BAZ2B: variants seen among roughly 807,000 people sequenced by gnomAD.
BAZ2B encodes bromodomain adjacent to zinc finger domain protein 2B.
In BAZ2B, 91 loss-of-function variants were observed where a neutral mutation model predicts 246.0. That is an observed-to-expected ratio of 0.37 (90% CI 0.31 to 0.44). The LOEUF (loss-of-function observed/expected upper bound fraction) is 0.44, where lower values mean the gene tolerates loss of function less well. BAZ2B is among the 20% of genes least tolerant of loss of function. BAZ2B has a pLI of 1.00. For synonymous variants in BAZ2B, 855 were observed against 860.0 expected (o/e 0.99, Z 0.10); for missense variants, 2,332 against 2,533.7 (o/e 0.92, Z 1.71).
chr2:159,710,847 G>A, the BAZ2B span: 6 of 152,108 alleles, frequency 3.9e-5, no homozygotes, highest in South Asian at 4.1e-4. Context: ...TCAGGAAAAG[G>A]GTGCAGTCAT....
In BAZ2B at chr2:159,538,984, G is replaced by A. The variant is rs183104947; in HGVS notation, c.-3+16839C>T. Reference sequence around the variant, plus strand: ...CCTATAAAGTTGGAAAACATAAACTGTTTTTACATATTTTTTGCAGCATCA... The same window carrying A: ...CCTATAAAGTTGGAAAACATAAACTATTTTTACATATTTTTTGCAGCATCA... On this transcript the variant is annotated intron_variant, in intron 2 of 36. Coordinates refer to ENST00000392783, the MANE Select transcript of BAZ2B (RefSeq NM_013450.4). Among the ~76,000 whole-genome samples the A allele has an allele frequency of 5.0e-3, 765 of 152,240 alleles. 11 individuals carry two copies. Among genetic ancestry groups the A allele is most frequent in the Non-Finnish European group, 3.3e-3 (226 of 68,020 alleles).
At chr2:159,576,531 T>TAA (rs71406179) in intron 1 of BAZ2B, among the ~76,000 whole-genome samples, 1 of 142,962 alleles carries the variant, frequency 7.0e-6, no homozygotes, top group African/African-American at 2.6e-5. Context: ...ATCAAAGGTT[T>TAA]AAAAAAAAAA....
chr2:159,545,564 A>C (rs1296441285), intron 2 of BAZ2B, among the ~76,000 whole-genome samples: 1 of 151,896 alleles, frequency 6.6e-6, no homozygotes, highest in East Asian at 1.9e-4. Flanking sequence ...TAAAAGGCAA[A>C]AAATGTCACT....
At chr2:159,510,962 A>T (rs2082858926) in intron 2 of BAZ2B, among the ~76,000 whole-genome samples, 1 of 152,162 alleles carries the variant, frequency 6.6e-6, no homozygotes, top group African/African-American at 2.4e-5. Context: ...TTTGCTTATA[A>T]AACTAGACTG....
At chr2:159,495,086 A>C (rs1257769207) in intron 2 of BAZ2B, among the ~76,000 whole-genome samples, 2 of 152,202 alleles carry the variant, frequency 1.3e-5, no homozygotes, top group African/African-American at 4.8e-5. Context: ...AAAATAAGTA[A>C]GATATGCAGT....
At chr2:159,359,806 G>A (rs2059493348) in intron 27 of BAZ2B, among the ~76,000 whole-genome samples, 1 of 151,962 alleles carries the variant, frequency 6.6e-6, no homozygotes, top group South Asian at 2.1e-4. Context: ...TCAACACATG[G>A]AAATCAATAA....
At chr2:159,585,929 A>G (rs983328100) in intron 1 of BAZ2B, among the ~76,000 whole-genome samples, 5 of 152,356 alleles carry the variant, frequency 3.3e-5, no homozygotes, top group Admixed American at 2.6e-4. Flanking sequence ...GCTTAAATAA[A>G]TGACTTTTTT....
chr2:159,677,107 A>G, the BAZ2B span, among the ~76,000 whole-genome samples: 3 of 150,754 alleles, frequency 2.0e-5, no homozygotes, highest in Non-Finnish European at 4.4e-5. Flanking sequence ...TGATGGATAA[A>G]GATTAAAGCT....
chr2:159,333,750 A>G (rs1177136330), intron 33 of BAZ2B, among the ~76,000 whole-genome samples: 1 of 152,196 alleles, frequency 6.6e-6, no homozygotes, highest in Admixed American at 6.5e-5. Flanking sequence ...TTAGTCTGGG[A>G]AAGTCTAAAA....
In BAZ2B at chr2:159,379,732, C is replaced by T. The variant is rs146332289; in HGVS notation, c.4005+2827G>A. ...TTCCATCGATAAATTCATCTCTCAG[C>T]TTTCTTTCACATTCCATTGATAAAT... is the stretch of plus-strand genomic sequence containing the variant. On this transcript the variant is annotated intron_variant, in intron 25 of 36. Transcript: ENST00000392783. Among the ~76,000 whole-genome samples, 1,101 of 152,244 alleles carry T rather than the reference C, an allele frequency of 7.2e-3. 7 individuals are homozygous for T. The highest frequency in any genetic ancestry group is 0.025 in the South Asian group (120 of 4,818).
At chr2:159,341,948 C>T (rs957475351) in intron 31 of BAZ2B, among the ~76,000 whole-genome samples, 1 of 152,028 alleles carries the variant, frequency 6.6e-6, no homozygotes, top group African/African-American at 2.4e-5. Flanking sequence ...TCTAGCAATG[C>T]CCTTCAAGTA....
At chr2:159,597,296 G>C (rs1256602621) in intron 1 of BAZ2B, among the ~76,000 whole-genome samples, 2 of 152,094 alleles carry the variant, frequency 1.3e-5, no homozygotes, top group African/African-American at 4.8e-5. Context: ...TTAAAGTTTA[G>C]AAAATTTCAC....
intron 2 of BAZ2B, among the ~76,000 whole-genome samples, chr2:159,537,608 C>G (rs10189560): frequency 0.81 from 123,842 of 152,224 alleles, 50,632 homozygotes; most frequent in Admixed American, 0.86. Context: ...GAGATACACA[C>G]AACTGCTAAT....
At chr2:159,560,048 C>T (rs528583199) in intron 1 of BAZ2B, among the ~76,000 whole-genome samples, 44 of 152,236 alleles carry the variant, frequency 2.9e-4, no homozygotes, top group South Asian at 8.3e-4. Context: ...GCAATCAGCA[C>T]GTACTATCTT....
At chr2:159,507,676 A>C (rs1224674532) in intron 2 of BAZ2B, among the ~76,000 whole-genome samples, 1 of 152,196 alleles carries the variant, frequency 6.6e-6, no homozygotes, top group Non-Finnish European at 1.5e-5. Flanking sequence ...TACCATGAGA[A>C]GTAATCTAAA....
the BAZ2B span, among the ~76,000 whole-genome samples, chr2:159,653,735 A>G: frequency 6.6e-6 from 1 of 152,222 alleles, no homozygotes; most frequent in Non-Finnish European, 1.5e-5. Context: ...GCTGACTTCT[A>G]TATTAGTGTT....
At chr2:159,495,594 G>T (rs564760855) in intron 2 of BAZ2B, among the ~76,000 whole-genome samples, 1 of 148,308 alleles carries the variant, frequency 6.7e-6, no homozygotes, top group South Asian at 2.1e-4. Flanking sequence ...ATTTAGAATA[G>T]TTTTTATAAT....
At chr2:159,549,551 T>G (rs915195652) in intron 2 of BAZ2B, among the ~76,000 whole-genome samples, 1 of 152,156 alleles carries the variant, frequency 6.6e-6, no homozygotes, top group Non-Finnish European at 1.5e-5. Flanking sequence ...GAAGAGGGAT[T>G]GTGTTGAACC....
chr2:159,636,358 A>G, the BAZ2B span, among the ~76,000 whole-genome samples: 1 of 152,176 alleles, frequency 6.6e-6, no homozygotes, highest in African/African-American at 2.4e-5. Flanking sequence ...AACTCTCACC[A>G]CTGTGGGGAG....
Sources: gnomAD v4.1 joint callset for allele counts (sites outside exome capture counted in the v4.1 genomes callset) on GRCh38, gnomAD v4.1.1 for gene constraint, MANE v1.5 for transcripts, NCBI Gene and HGNC (gene_info 2026-07-23, HGNC 2026-07-21) for gene names.